NT5DC2: variants seen among roughly 807,000 people sequenced by gnomAD.
NT5DC2 encodes 5'-nucleotidase domain-containing protein 2.
In NT5DC2, 41 loss-of-function variants were observed where a neutral mutation model predicts 70.0. The ratio of observed to expected loss-of-function variants is 0.59; its 90% CI spans 0.46 to 0.76. The LOEUF (loss-of-function observed/expected upper bound fraction) is 0.76. NT5DC2 is among the 30% of genes least tolerant of loss of function. The probability of loss-of-function intolerance (pLI) is 0.00; values close to 1 mark genes in which losing one functional copy is unlikely to be tolerated. For missense variants in NT5DC2, 705 were observed against 783.2 expected, an observed-to-expected ratio of 0.90 and a Z score of 1.19; for synonymous variants, 299 against 310.4, an observed-to-expected ratio of 0.96 and a Z score of 0.39.
At chr3:52,534,556 G>A (rs977439602), upstream of NT5DC2, 8 of 1,613,586 alleles carry the variant, frequency 5.0e-6, no homozygotes, top group Admixed American at 1.2e-4. Context: ...GTTTCCCGGC[G>A]CACGCCCCTC....
Position 52,529,225 on chromosome 3 carries a change from G to A in NT5DC2, c.342C>T (p.Thr114=), listed in dbSNP as rs1209387548. Residue 114 remains threonine, a synonymous_variant, in exon 2 of 14, where the codon ACC becomes ACT. Transcript: ENST00000422318. The surrounding 1 kb of genome is among the most constrained non-coding windows in gnomAD (Gnocchi z 4.1). The part of the protein sequence containing the change: ...VEVYGFDYDY[T]LAQYADALHP... ...GCAGTGCGTCTGCATACTGGGCCAG[G>A]GTGTAGTCGTAGTCAAAGCCGTAGA... The A allele has an allele frequency of 1.9e-6, 3 of 1,613,988 alleles. No homozygotes were observed. The highest frequency in any genetic ancestry group is 2.2e-5 in the South Asian group (2 of 91,090).
intron 9 of NT5DC2, 91 bp downstream of exon 9, chr3:52,527,526 A>T: frequency 6.7e-7 from 1 of 1,499,548 alleles, no homozygotes; most frequent in Middle Eastern, 1.7e-4. Context: ...GCAGTGGGCA[A>T]GGGCCAGGTT....
chr3:52,534,880 AAGGATTGAGGCCGT>A, upstream of NT5DC2: 1 of 563,618 alleles, frequency 1.8e-6, no homozygotes, highest in African/African-American at 1.9e-5. Context: ...GGGGACTGGT[AAGGATTGAGGCCGT>A]AGGATGGGCT....
At chr3:52,527,084 G>A (rs763198699) in intron 10 of NT5DC2, among the ~76,000 whole-genome samples, 1 of 152,234 alleles carries the variant, frequency 6.6e-6, no homozygotes, top group Non-Finnish European at 1.5e-5. Context: ...CTGCTGAGTA[G>A]TGGAGTTAGG....
At chr3:52,528,405 A>G in intron 5 of NT5DC2, 41 bp downstream of exon 5, 1 of 1,611,530 alleles carries the variant, frequency 6.2e-7, no homozygotes, top group South Asian at 1.1e-5. Context: ...GGACATGGGC[A>G]CATGTCCATG....
chr3:52,527,673 G>C lies in NT5DC2; in HGVS notation c.981C>G (p.Leu327=). The change falls in exon 9 of 14, where the codon CTC becomes CTG. Residue 327 remains leucine (L), a synonymous_variant. Coordinates refer to ENST00000422318, the MANE Select transcript of NT5DC2 (RefSeq NM_001134231.2). The stretch of plus-strand genomic sequence containing the variant: ...CTGCCTGGACAATGACCACATCGAA[G>C]AGCTGGCGCCAATCGGGACCCACCA... ...RHMVGPDWRQ[L]FDVVIVQADK... is the part of the protein sequence containing the mutation. The C allele has an allele frequency of 6.2e-7, 1 of 1,613,302 alleles. No individual in the cohort carries two copies. The highest frequency in any genetic ancestry group is 8.5e-7 in the Non-Finnish European group (1 of 1,180,038).
rs1472540619 is a variant in NT5DC2, at chr3:52,528,494, C to G, written c.594G>C (p.Gly198=). The G allele has an allele frequency of 6.2e-7, 1 of 1,613,664 alleles. No individual in the cohort carries two copies. Residue 198 remains glycine, a synonymous_variant, in exon 5 of 14, where the codon GGG becomes GGC. Coordinates refer to ENST00000422318, the MANE Select transcript of NT5DC2 (RefSeq NM_001134231.2). ...GGTATAGTGGGATGTGCTGGGTACCCCCATACAGCTCAATCACCTCCTCGT... is the reference window on the plus strand; with the variant it reads ...GGTATAGTGGGATGTGCTGGGTACCGCCATACAGCTCAATCACCTCCTCGT... The part of the protein sequence containing the change: ...VPDEEVIELY[G]GTQHIPLYQM...
At position 52,524,837 on chromosome 3, in the gene NT5DC2, C is replaced by G; in HGVS notation, c.1392G>C (p.Met464Ile). The G allele has an allele frequency of 6.2e-7, 1 of 1,612,734 alleles. No homozygotes were observed. Among genetic ancestry groups the G allele is most frequent in the Non-Finnish European group, 8.5e-7 (1 of 1,180,016 alleles). The change falls in exon 13 of 14, where the codon ATG (methionine) becomes ATC (isoleucine). Residue 464 changes from methionine to isoleucine, a missense_variant. By Grantham distance (10) the Met-to-Ile change is conservative. Coordinates refer to ENST00000422318, the MANE Select transcript of NT5DC2 (RefSeq NM_001134231.2). ...CTCACCTCAGCTCCTGCCGCTCTTT[C>G]ATCCAGGCAGCCAGCACCTGCCTCG... ...AESRQVLAAW[M>I]KERQELRCIT...
chr3:52,530,366 T>G (rs1013568996), intron 1 of NT5DC2, among the ~76,000 whole-genome samples: 1 of 152,158 alleles, frequency 6.6e-6, no homozygotes, highest in African/African-American at 2.4e-5. Flanking sequence ...AGGCCCCATG[T>G]TACCTGCCCT....
rs370442610 is a variant in NT5DC2 at position 52,528,701 on chromosome 3, G to A, written c.493-9C>T. The A allele has an allele frequency of 3.1e-5, 49 of 1,602,618 alleles. 2 individuals are homozygous for A. The highest frequency in any genetic ancestry group is 1.4e-4 in the East Asian group (6 of 44,402). Reference sequence around the variant, plus strand: ...ATCTTCATCAGAAGGCTCTGGGGGCGCCAGGGAGGCAGGACGGATGGTGAG... The same window carrying A: ...ATCTTCATCAGAAGGCTCTGGGGGCACCAGGGAGGCAGGACGGATGGTGAG... On this transcript the variant is annotated splice_polypyrimidine_tract_variant and intron_variant, in intron 3 of 13. Transcript: ENST00000422318.
rs1168468474 is a variant in NT5DC2 at position 52,528,317 on chromosome 3, G to C, written c.643-6C>G. 1 of 1,613,084 alleles carries C rather than the reference G, an allele frequency of 6.2e-7. No homozygotes were observed. The highest frequency in any genetic ancestry group is 8.5e-7 in the Non-Finnish European group (1 of 1,180,026). On this transcript the variant is annotated splice_polypyrimidine_tract_variant and splice_region_variant and intron_variant, in intron 5 of 13. Coordinates refer to ENST00000422318, the MANE Select transcript of NT5DC2 (RefSeq NM_001134231.2). The stretch of plus-strand genomic sequence containing the variant: ...AACTGCTTAATGGAGGGACCCTGGG[G>C]AGGGGGCCATTGTCTCAGACACCCT...
chr3:52,528,029 C>A lies in NT5DC2; in HGVS notation c.816G>T (p.Trp272Cys), dbSNP rs200461145. Residue 272 changes from tryptophan to cysteine, a missense_variant, in exon 7 of 14, where the codon TGG (tryptophan) becomes TGT (cysteine). Trp to Cys is a radical substitution (Grantham distance 215). Coordinates refer to ENST00000422318, the MANE Select transcript of NT5DC2 (RefSeq NM_001134231.2). ...CACACTTACCCATGTCCTGCTCGAT[C>A]CACTGGTACATGAGGCCCTTCACAT... ...DVHVKGLMYQ[W>C]IEQDMEKYIL... The A allele has an allele frequency of 4.3e-6, 7 of 1,612,144 alleles. No individual in the cohort carries two copies. Among genetic ancestry groups the A allele is most frequent in the Non-Finnish European group, 5.9e-6 (7 of 1,179,494 alleles).
chr3:52,528,607 G>T, intron 4 of NT5DC2, 30 bp downstream of exon 4: 2 of 1,575,838 alleles, frequency 1.3e-6, no homozygotes, highest in East Asian at 4.6e-5. Context: ...AGGGTGGGGC[G>T]GGGGTGGGGT....
In NT5DC2 at chr3:52,525,090, C is replaced by T. The variant is rs770102270; in HGVS notation, c.1220G>A (p.Arg407Gln). ...LYSDLADLML[R>Q]HGWRTGAIIP... ...GATGGCGCCTGTGCGCCAGCCGTGC[C>T]GCAGCATGAGATCCTGGTGGGTGGG... Residue 407 changes from arginine to glutamine, a missense_variant, in exon 12 of 14, where the codon CGG becomes CAG. Physicochemically the swap from Arg to Gln is conservative, Grantham distance 43. Coordinates refer to ENST00000422318, the MANE Select transcript of NT5DC2 (RefSeq NM_001134231.2). 65 of 1,433,010 alleles carry T rather than the reference C, an allele frequency of 4.5e-5. No homozygotes were observed. The highest frequency in any genetic ancestry group is 1.9e-4 in the Middle Eastern group (1 of 5,240). 88.8% of individuals were successfully genotyped at this position (1,433,010 alleles called of 1,614,324 possible). A position where few individuals can be genotyped will look rare whatever the true frequency, so the allele number is the denominator to read the frequency against.
chr3:52,532,742 C>T (rs1167274993), intron 1 of NT5DC2, among the ~76,000 whole-genome samples: 2 of 152,042 alleles, frequency 1.3e-5, no homozygotes, highest in African/African-American at 4.8e-5. Context: ...GTGATAGGGT[C>T]ACGACCCAAA....
In NT5DC2 at chr3:52,528,206, CT is replaced by C; in HGVS notation, c.747del (p.Ala250HisfsTer7). ...ACCGTCACGTCCTTGTAGAGATGTG[CT>C]TGGTCAAACTCCAGGCTGTGGCCCA... ...YFLGHSLEFDQAHLYKDVTDA... is the reference protein window; with the variant it reads ...YFLGHSLEFDXAHLYKDVTDA... On this transcript the variant is annotated frameshift_variant, in exon 6 of 14. Coordinates refer to ENST00000422318, the MANE Select transcript of NT5DC2 (RefSeq NM_001134231.2). LOFTEE classifies it high-confidence loss of function. 1 of 1,613,304 alleles carries C rather than the reference CT, an allele frequency of 6.2e-7. No homozygotes were observed. Among genetic ancestry groups the C allele is most frequent in the Non-Finnish European group, 8.5e-7 (1 of 1,180,034 alleles).
chr3:52,532,180 A>T (rs945626073), intron 1 of NT5DC2: 33 of 985,106 alleles, frequency 3.3e-5, no homozygotes, highest in Non-Finnish European at 4.0e-5. Flanking sequence ...TCTTGGTGGG[A>T]ATGACTTTGC....
In NT5DC2 at chr3:52,528,212, C is replaced by A; in HGVS notation, c.742G>T (p.Asp248Tyr). The A allele has an allele frequency of 1.2e-6, 2 of 1,613,270 alleles. No homozygotes were observed. Among genetic ancestry groups the A allele is most frequent in the South Asian group, 2.2e-5 (2 of 91,050 alleles). The change falls in exon 6 of 14, where the codon GAC (aspartate) becomes TAC (tyrosine). Residue 248 changes from aspartate to tyrosine, a missense_variant. Asp to Tyr is a radical substitution (Grantham distance 160). Transcript: ENST00000422318. ...ACGTCCTTGTAGAGATGTGCTTGGT[C>A]AAACTCCAGGCTGTGGCCCAGAAAG... is the stretch of plus-strand genomic sequence containing the variant. ...DYFLGHSLEF[D>Y]QAHLYKDVTD...
upstream of NT5DC2, chr3:52,534,363 TAA>T (rs769485353): frequency 9.0e-5 from 96 of 1,070,320 alleles, 1 homozygote; most frequent in East Asian, 2.5e-3. Flanking sequence ...GTCTAACAAA[TAA>T]AGAGCCCTTC....
Sources: allele counts gnomAD v4.1 joint callset (sites outside exome capture counted in the v4.1 genomes callset), GRCh38; gene constraint gnomAD v4.1.1; non-coding constraint Gnocchi (gnomAD v3.1); transcripts MANE v1.5; gene names NCBI Gene and HGNC (gene_info 2026-07-23, HGNC 2026-07-21).